Variants in PLCH2 observed in about 807,000 individuals in gnomAD.
The protein encoded by PLCH2 is 1-phosphatidylinositol 4,5-bisphosphate phosphodiesterase eta-2.
In PLCH2, 98 loss-of-function variants were observed where a neutral mutation model predicts 134.7. The ratio of observed to expected loss-of-function variants is 0.73; its 90% CI spans 0.62 to 0.86. The LOEUF (loss-of-function observed/expected upper bound fraction) is 0.86. PLCH2 is among the 40% of genes least tolerant of loss of function. PLCH2 has a pLI of 0.00. For synonymous variants in PLCH2, 974 were observed against 827.5 expected (o/e 1.18, Z -3.04); for missense variants, 1,994 against 1,986.6 (o/e 1.00, Z -0.07).
chr1:2,470,712 C>T (rs367810225), intron 1 of PLCH2, among the ~76,000 whole-genome samples: 5 of 152,160 alleles, frequency 3.3e-5, no homozygotes, highest in Admixed American at 6.5e-5. Context: ...CCACTTGGCC[C>T]GAGGACCCTC....
upstream of PLCH2, among the ~76,000 whole-genome samples, chr1:2,423,272 C>T (rs148442830): frequency 7.9e-4 from 120 of 152,292 alleles, 1 homozygote; most frequent in East Asian, 0.014. Flanking sequence ...ACCGTAACCT[C>T]GAACTCCTGG....
chr1:2,436,404 CTT>C, intron 2 of PLCH2, among the ~76,000 whole-genome samples: 2 of 88,106 alleles, frequency 2.3e-5, no homozygotes, highest in African/African-American at 9.5e-5. Context: ...ACCTTTCCTC[CTT>C]CCTCCCTCCA....
intron 2 of PLCH2, among the ~76,000 whole-genome samples, chr1:2,458,914 G>A (rs11806740): frequency 0.034 from 5,230 of 152,366 alleles, 174 homozygotes; most frequent in African/African-American, 0.088. Flanking sequence ...GTGCTTGGCC[G>A]TCTCTGCAAA....
chr1:2,483,851 G>T lies in PLCH2; in HGVS notation c.646-597G>T, dbSNP rs543116765. Among the ~76,000 whole-genome samples, 4 of 141,888 alleles carry T rather than the reference G, an allele frequency of 2.8e-5. 2 individuals are homozygous for T. The highest frequency in any genetic ancestry group is 6.2e-5 in the Non-Finnish European group (4 of 64,710). The allele number at this position is 141,888 out of a possible 152,430, so 93.1% of individuals were successfully genotyped here. On this transcript the variant is annotated intron_variant, in intron 4 of 21. Transcript: ENST00000378486. ...CCGTGTGGGGGTGGCGCTGACCCCC[G>T]TGTGGGGTGGCGCTGACCCCCGTGT...
intron 14 of PLCH2, 61 bp downstream of exon 14, chr1:2,496,765 T>A (rs2100719203): frequency 6.2e-7 from 1 of 1,610,406 alleles, no homozygotes; most frequent in African/African-American, 1.3e-5. Context: ...ATCCCTGCTA[T>A]GCTGCTGGGC....
chr1:2,478,978 G>C (rs1641796155), intron 2 of PLCH2: 1 of 288,706 alleles, frequency 3.5e-6, no homozygotes. Context: ...CTGATGGATG[G>C]GTATGGGTGC....
intron 1 of PLCH2, among the ~76,000 whole-genome samples, chr1:2,470,127 T>C (rs76494127): frequency 0.024 from 3,646 of 152,312 alleles, 65 homozygotes; most frequent in African/African-American, 0.048. Context: ...CGCTCAGACC[T>C]GGCGACCCAG....
chr1:2,495,345 G>A, intron 12 of PLCH2, 143 bp from the exon 13 acceptor site: 1 of 670,118 alleles, frequency 1.5e-6, no homozygotes, highest in Non-Finnish European at 2.6e-6. Flanking sequence ...GGCTTTGGCA[G>A]GCCCAGCCAG....
intron 3 of PLCH2, 62 bp downstream of exon 3, chr1:2,480,039 TG>T (rs960920795): frequency 4.4e-6 from 7 of 1,581,780 alleles, no homozygotes; most frequent in African/African-American, 4.0e-5. Context: ...CTGCTCACCC[TG>T]GGGGGGCCTG....
intron 2 of PLCH2, among the ~76,000 whole-genome samples, chr1:2,457,632 G>A (rs1023860757): frequency 1.6e-4 from 24 of 152,106 alleles, no homozygotes; most frequent in African/African-American, 5.6e-4. Flanking sequence ...ACAGCGACCT[G>A]CAGGCAGTCA....
At chr1:2,485,981 C>A (rs1351673105) in intron 5 of PLCH2, among the ~76,000 whole-genome samples, 1 of 152,162 alleles carries the variant, frequency 6.6e-6, no homozygotes, top group Admixed American at 6.5e-5. Flanking sequence ...AGGCATGACA[C>A]CCGGGACGCA....
intron 2 of PLCH2, among the ~76,000 whole-genome samples, chr1:2,443,572 G>C (rs1343115705): frequency 6.6e-6 from 1 of 151,660 alleles, no homozygotes; most frequent in Non-Finnish European, 1.5e-5. Flanking sequence ...CTTTGGCTGC[G>C]GCGGGCGCAG....
At chr1:2,500,048 T>C in intron 20 of PLCH2, 1 of 441,700 alleles carries the variant, frequency 2.3e-6, no homozygotes. Context: ...CCTACAGTGC[T>C]GCCATCTGGC....
the PLCH2 span, among the ~76,000 whole-genome samples, chr1:2,420,385 C>T: frequency 6.6e-6 from 1 of 152,290 alleles, no homozygotes; most frequent in Non-Finnish European, 1.5e-5. Flanking sequence ...GTGTGGGGGC[C>T]TGTGGGGCCC....
At chr1:2,429,194 C>T (rs1330801025) in intron 1 of PLCH2, among the ~76,000 whole-genome samples, 1 of 152,114 alleles carries the variant, frequency 6.6e-6, no homozygotes, top group Non-Finnish European at 1.5e-5. Context: ...CCTTCTAGGG[C>T]CCTGGGGAGA....
In PLCH2 at chr1:2,505,447, C is replaced by A; in HGVS notation, c.*234C>A. ...TGGCCCTGCCAGGCAGTTTTCCCGGCGTTTTAGGATCTGTACATAGAGAAA... is the reference window on the plus strand; with the variant it reads ...TGGCCCTGCCAGGCAGTTTTCCCGGAGTTTTAGGATCTGTACATAGAGAAA... On this transcript the variant is annotated 3_prime_UTR_variant, in exon 22 of 22. Transcript: ENST00000378486. 1 of 568,414 alleles carries A rather than the reference C, an allele frequency of 1.8e-6. No homozygotes were observed. The highest frequency in any genetic ancestry group is 2.2e-5 in the South Asian group (1 of 46,422). The allele number at this position is 568,414 out of a possible 1,614,324, so 35.2% of individuals were successfully genotyped here. A position where few individuals can be genotyped will look rare whatever the true frequency, so the allele number is the denominator to read the frequency against.
Position 2,502,189 on chromosome 1 carries a change from G to A in PLCH2, c.2739G>A (p.Gly913=). 1 of 1,533,402 alleles carries A rather than the reference G, an allele frequency of 6.5e-7. No homozygotes were observed. Among genetic ancestry groups the A allele is most frequent in the Non-Finnish European group, 8.8e-7 (1 of 1,142,158 alleles). 95.0% of individuals were successfully genotyped at this position (1,533,402 alleles called of 1,614,324 possible). A position where few individuals can be genotyped will look rare whatever the true frequency, so the allele number is the denominator to read the frequency against. The change falls in exon 21 of 22, where the codon GGG becomes GGA. Residue 913 remains glycine, a synonymous_variant. Transcript: ENST00000378486. ...GCTCGCTGGACAGTCATGCTGCTGG[G>A]CGGCCCCCGGCCCGGCCCTCCGTTA... is the stretch of plus-strand genomic sequence containing the variant. The part of the protein sequence containing the change: ...KPGSLDSHAA[G]RPPARPSVSQ...
Position 2,448,530 on chromosome 1 carries a change from C to A in PLCH2, c.115+17901C>A, listed in dbSNP as rs542024505. 6.6e-6 allele frequency among the ~76,000 whole-genome samples: 1 copy of A among 152,300 alleles called. No homozygotes were observed. The highest frequency in any genetic ancestry group is 2.1e-4 in the South Asian group (1 of 4,828). ...CTCGGCGCAGGCCTTTCACTGAGCA[C>A]GCCCTCAGAGACCCTTTTTCCAAAT... On this transcript the variant is annotated intron_variant, in intron 2 of 3. Coordinates refer to the PLCH2 transcript ENST00000609981. The surrounding 1 kb of genome is among the most constrained non-coding windows in gnomAD (Gnocchi z 4.0).
In PLCH2 at chr1:2,479,802, G is replaced by A. The variant is rs757192702; in HGVS notation, c.340G>A (p.Gly114Ser). 1.0e-5 allele frequency: 16 copies of A among 1,589,050 alleles called. No homozygotes were observed. Among genetic ancestry groups the A allele is most frequent in the East Asian group, 2.3e-5 (1 of 43,288 alleles). ...GGAGGTCTTCCAGCGCTACCCTGAC[G>A]GCAGCTTCGACCCCAACTGCTGCTT... Reference protein sequence around the residue: ...QSEVFQRYPDGSFDPNCCFSI... With the variant: ...QSEVFQRYPDSSFDPNCCFSI... The change falls in exon 3 of 22, where the codon GGC becomes AGC. Residue 114 changes from glycine (G) to serine (S), a missense_variant. By Grantham distance (56) the Gly-to-Ser change is moderately conservative (BLOSUM62 0). Around this residue, in one of 2 missense-constraint regions of PLCH2, gnomAD observed 1,094 missense variants for 1,234.3 expected, o/e 0.89. Coordinates refer to ENST00000378486, the MANE Select transcript of PLCH2 (RefSeq NM_014638.4).
Sources: gnomAD v4.1 joint callset for allele counts (sites outside exome capture counted in the v4.1 genomes callset) on GRCh38, gnomAD v4.1.1 for gene constraint, gnomAD v4.1.1 regional missense constraint, Gnocchi (gnomAD v3.1) non-coding constraint, MANE v1.5 for transcripts, NCBI Gene and HGNC (gene_info 2026-07-23, HGNC 2026-07-21) for gene names.